E2F3: variants seen among roughly 807,000 people sequenced by gnomAD.
E2F3 encodes E2F transcription factor 3.
E2F3 carries 11 observed loss-of-function variants against 44.4 expected under a neutral mutation model. The ratio of observed to expected loss-of-function variants is 0.25; its 90% CI spans 0.16 to 0.41. The LOEUF (loss-of-function observed/expected upper bound fraction) is 0.41, where lower values mean the gene tolerates loss of function less well. Among genes scored for constraint, E2F3 ranks in the 10% least tolerant of loss-of-function variants. The pLI is 1.00. For synonymous variants in E2F3, 249 were observed against 253.0 expected, an observed-to-expected ratio of 0.98 and a Z score of 0.15; for missense variants, 487 against 583.6, an observed-to-expected ratio of 0.83 and a Z score of 1.70.
chr6:20,458,830 C>T (rs80067147), intron 1 of E2F3, among the ~76,000 whole-genome samples: 2 of 152,340 alleles, frequency 1.3e-5, no homozygotes, highest in East Asian at 3.9e-4. Context: ...AAAGGTTCTT[C>T]CATTATCTGC....
intron 1 of E2F3, among the ~76,000 whole-genome samples, chr6:20,423,646 T>G (rs1355423375): frequency 1.3e-5 from 2 of 151,624 alleles, no homozygotes; most frequent in Non-Finnish European, 2.9e-5. Context: ...AATTTTTGTA[T>G]TTTTAGTAGA....
chr6:20,473,963 G>T (rs1264720817), intron 1 of E2F3, among the ~76,000 whole-genome samples: 1 of 152,054 alleles, frequency 6.6e-6, no homozygotes, highest in Non-Finnish European at 1.5e-5. Context: ...TTTCATGCTT[G>T]GAGACTAATA....
At chr6:20,478,551 G>C (rs1233446498) in intron 1 of E2F3, among the ~76,000 whole-genome samples, 1 of 152,236 alleles carries the variant, frequency 6.6e-6, no homozygotes, top group African/African-American at 2.4e-5. Context: ...GCTCACGCCT[G>C]TAATCCCATC....
chr6:20,423,790 CAG>C lies in E2F3; in HGVS notation c.393+21168_393+21169del, dbSNP rs1269379717. 8.8e-5 allele frequency among the ~76,000 whole-genome samples: 13 copies of C among 147,680 alleles called. 2 individuals are homozygous for C. In the South Asian group the frequency reaches 2.8e-3, roughly 32 times the overall value. ...GGCCATTACAGTGCTTTTTTTGAGA[CAG>C]AGTTTCGCTCTTGTTGCCCAGGCTG... On this transcript the variant is annotated intron_variant, in intron 1 of 6. Transcript: ENST00000346618.
At chr6:20,441,634 G>C (rs2127596716) in intron 1 of E2F3, among the ~76,000 whole-genome samples, 1 of 152,072 alleles carries the variant, frequency 6.6e-6, no homozygotes, top group Admixed American at 6.6e-5. Flanking sequence ...GAGTGTAGTG[G>C]CATGACCTTG....
rs991349064 is a variant in E2F3, at chr6:20,401,980, G to A, written c.-253G>A. ...GCAATCCGTTGCATCGGCCGCCCCC[G>A]ACGCCTCCATCCCCGCTTGGGGCCC... is the stretch of plus-strand genomic sequence containing the variant. On this transcript the variant is annotated 5_prime_UTR_variant, in exon 1 of 7. Transcript: ENST00000346618. 6 of 442,852 alleles carry A rather than the reference G, an allele frequency of 1.4e-5. No individual in the cohort carries two copies. Among genetic ancestry groups the A allele is most frequent in the Middle Eastern group, 6.3e-4 (1 of 1,584 alleles). The allele number at this position is 442,852 out of a possible 1,614,324, so 27.4% of individuals were successfully genotyped here.
intron 1 of E2F3, among the ~76,000 whole-genome samples, chr6:20,477,760 A>G (rs1325870421): frequency 1.3e-5 from 2 of 152,242 alleles, no homozygotes; most frequent in East Asian, 3.8e-4. Context: ...TAGATTTACT[A>G]TTCATTACTG....
intron 1 of E2F3, among the ~76,000 whole-genome samples, chr6:20,476,343 C>G (rs1420514279): frequency 6.6e-6 from 1 of 152,048 alleles, no homozygotes; most frequent in African/African-American, 2.4e-5. Context: ...TGCACTCCAG[C>G]CTGGGTGACA....
At chr6:20,403,669 CG>C in intron 1 of E2F3, 9 of 545,282 alleles carry the variant, frequency 1.7e-5, no homozygotes, top group East Asian at 7.0e-5. Context: ...CCCTCGCACC[CG>C]CCCCCGGCAC....
intron 1 of E2F3, among the ~76,000 whole-genome samples, chr6:20,426,611 G>T (rs1378193606): frequency 3.3e-5 from 5 of 152,188 alleles, no homozygotes; most frequent in East Asian, 1.9e-4. Context: ...GTCATTGTGG[G>T]ATCGTGGCCA....
intron 1 of E2F3, among the ~76,000 whole-genome samples, chr6:20,458,131 T>G (rs1401113678): frequency 6.6e-6 from 1 of 152,166 alleles, no homozygotes; most frequent in Non-Finnish European, 1.5e-5. Flanking sequence ...AGAAAAAGGC[T>G]AACTAAGACC....
intron 1 of E2F3, among the ~76,000 whole-genome samples, chr6:20,428,992 C>T (rs532091058): frequency 6.6e-6 from 1 of 152,118 alleles, no homozygotes; most frequent in East Asian, 1.9e-4. Flanking sequence ...CCTCATGTGA[C>T]CTTTGGCAAT....
In E2F3 at chr6:20,402,461, G is replaced by A. The variant is rs1343489714; in HGVS notation, c.229G>A (p.Gly77Ser). 1 of 1,610,024 alleles carries A rather than the reference G, an allele frequency of 6.2e-7. No homozygotes were observed. The highest frequency in any genetic ancestry group is 1.7e-5 in the Admixed American group (1 of 59,936). Reference sequence around the variant, plus strand: ...CTCCTGTTCCTCCTCCCTCCAAAGCGGCGCCGTAGCCGCCGGCCCCCTCCT... The same window carrying A: ...CTCCTGTTCCTCCTCCCTCCAAAGCAGCGCCGTAGCCGCCGGCCCCCTCCT... ...TTSCSSSLQS[G>S]AVAAGPLLPS... Residue 77 changes from glycine to serine, a missense_variant, in exon 1 of 7, where the codon GGC (glycine) becomes AGC (serine). Physicochemically the swap from Gly to Ser is moderately conservative, Grantham distance 56 (BLOSUM62 0). This residue lies in a region of E2F3 where 238 missense variants were observed against 236.0 expected (regional missense o/e 1.01). Transcript: ENST00000346618. This position sits in a 1 kb window ranked among gnomAD's most constrained non-coding sequence, Gnocchi z 5.6.
chr6:20,477,746 A>T (rs1388805186), intron 1 of E2F3, among the ~76,000 whole-genome samples: 2 of 152,234 alleles, frequency 1.3e-5, no homozygotes, highest in Non-Finnish European at 2.9e-5. Flanking sequence ...TAAGGAAGAG[A>T]AAATAGATTT....
At chr6:20,434,162 T>G (rs140173664) in intron 1 of E2F3, among the ~76,000 whole-genome samples, 1 of 152,310 alleles carries the variant, frequency 6.6e-6, no homozygotes, top group East Asian at 1.9e-4. Context: ...TTCCAAATGA[T>G]CTTTTGGTTA....
At chr6:20,462,473 T>C (rs1761543429) in intron 1 of E2F3, among the ~76,000 whole-genome samples, 3 of 150,144 alleles carry the variant, frequency 2.0e-5, no homozygotes, top group Admixed American at 2.0e-4. Context: ...TTTTTTTTTT[T>C]CTGAGACAGA....
intron 1 of E2F3, among the ~76,000 whole-genome samples, chr6:20,416,425 T>C (rs1328589491): frequency 1.3e-5 from 2 of 152,232 alleles, no homozygotes; most frequent in Non-Finnish European, 2.9e-5. Flanking sequence ...TCCCTGCCTC[T>C]GTGTGGTTTG....
intron 1 of E2F3, among the ~76,000 whole-genome samples, chr6:20,428,346 C>T (rs1760284138): frequency 6.6e-6 from 1 of 152,152 alleles, no homozygotes; most frequent in South Asian, 2.1e-4. Context: ...GCCTCAGCCT[C>T]CCAAGTAGTG....
intron 1 of E2F3, chr6:20,403,870 C>G (rs1759399145): frequency 7.8e-7 from 1 of 1,280,356 alleles, no homozygotes; most frequent in South Asian, 1.4e-5. Context: ...GCCGACGCCG[C>G]GGGGGCACCG....
Sources: gnomAD v4.1 joint callset for allele counts (sites outside exome capture counted in the v4.1 genomes callset) on GRCh38, gnomAD v4.1.1 for gene constraint, gnomAD v4.1.1 regional missense constraint, Gnocchi (gnomAD v3.1) non-coding constraint, MANE v1.5 for transcripts, NCBI Gene and HGNC (gene_info 2026-07-23, HGNC 2026-07-21) for gene names.